Variants in SHROOM3 observed in about 807,000 individuals in gnomAD.
The protein encoded by SHROOM3 is shroom family member 3.
Under a neutral mutation model 138.6 loss-of-function variants are expected in SHROOM3, and 47 were observed. The ratio of observed to expected loss-of-function variants is 0.34; its 90% confidence interval spans 0.27 to 0.43. The LOEUF is 0.43. Among genes scored for constraint, SHROOM3 ranks in the 20% least tolerant of loss-of-function variants. The pLI is 1.00. For missense variants in SHROOM3, 2,491 were observed against 2,596.5 expected (o/e 0.96, Z 0.88); for synonymous variants, 1,062 against 1,063.3 (o/e 1.00, Z 0.02).
At chr4:76,481,398 G>A (rs1731606695) in intron 1 of SHROOM3, among the ~76,000 whole-genome samples, 1 of 151,982 alleles carries the variant, frequency 6.6e-6, no homozygotes, top group South Asian at 2.1e-4. Context: ...ATAAATTCCT[G>A]GACACATACA....
rs1215173154 is a variant in SHROOM3, at chr4:76,782,517, T to C, written c.*3340T>C. On this transcript the variant is annotated 3_prime_UTR_variant, in exon 11 of 11. Transcript: ENST00000296043. Reference sequence around the variant, plus strand: ...TTTAAGCTCTACCTTTAAACTTGTATGTTATTCAGGCATCTCTTATTAAGA... The same window carrying C: ...TTTAAGCTCTACCTTTAAACTTGTACGTTATTCAGGCATCTCTTATTAAGA... 1.3e-5 allele frequency: 2 copies of C among 152,226 alleles called. No individual in the cohort carries two copies. The highest frequency in any genetic ancestry group is 4.8e-5 in the African/African-American group (2 of 41,458). 9.4% of individuals were successfully genotyped at this position (152,226 alleles called of 1,614,324 possible). A position where few individuals can be genotyped will look rare whatever the true frequency, so the allele number is the denominator to read the frequency against.
At chr4:76,447,219 G>A (rs542893724) in intron 1 of SHROOM3, among the ~76,000 whole-genome samples, 12 of 152,150 alleles carry the variant, frequency 7.9e-5, no homozygotes, top group African/African-American at 2.9e-4. Context: ...GGCAATTTAA[G>A]TGGAAATAAG....
chr4:76,485,928 T>C (rs915871580), intron 1 of SHROOM3, among the ~76,000 whole-genome samples: 5 of 152,332 alleles, frequency 3.3e-5, no homozygotes, highest in Admixed American at 1.3e-4. Flanking sequence ...TCTGCATAGA[T>C]CCTAATATGA....
intron 1 of SHROOM3, among the ~76,000 whole-genome samples, chr4:76,443,553 G>C (rs1017644539): frequency 6.6e-6 from 1 of 152,214 alleles, no homozygotes; most frequent in Non-Finnish European, 1.5e-5. Context: ...CTGCAGTGCA[G>C]AGTCCTTGTT....
intron 1 of SHROOM3, chr4:76,509,391 T>G (rs1164697355): frequency 6.6e-6 from 1 of 152,212 alleles, no homozygotes; most frequent in Non-Finnish European, 1.5e-5. Flanking sequence ...CTGAAATGCT[T>G]GTATATTTCT....
intron 2 of SHROOM3, among the ~76,000 whole-genome samples, chr4:76,646,087 G>A (rs1298727113): frequency 6.6e-6 from 1 of 151,822 alleles, no homozygotes; most frequent in Non-Finnish European, 1.5e-5. Flanking sequence ...GAGGGAGGGG[G>A]AAGGGATAGC....
At chr4:76,762,895 A>G (rs1004670400) in intron 9 of SHROOM3, among the ~76,000 whole-genome samples, 2 of 152,008 alleles carry the variant, frequency 1.3e-5, no homozygotes, top group Non-Finnish European at 2.9e-5. Flanking sequence ...GTCAGATTTT[A>G]CCTCCTCCAG....
chr4:76,752,217 T>TATA (rs1266553794), intron 6 of SHROOM3, among the ~76,000 whole-genome samples: 1 of 152,232 alleles, frequency 6.6e-6, no homozygotes, highest in African/African-American at 2.4e-5. Flanking sequence ...AGACATACTG[T>TATA]ATAATTTCAC....
chr4:76,620,947 C>T (rs920769142), intron 2 of SHROOM3, among the ~76,000 whole-genome samples: 6 of 152,040 alleles, frequency 3.9e-5, no homozygotes, highest in Non-Finnish European at 8.8e-5. Flanking sequence ...AGAACAGCAC[C>T]TTATCAGCAC....
intron 2 of SHROOM3, among the ~76,000 whole-genome samples, chr4:76,646,375 A>G (rs1369804362): frequency 6.6e-6 from 1 of 151,782 alleles, no homozygotes; most frequent in Non-Finnish European, 1.5e-5. Flanking sequence ...AATAGTTTTT[A>G]TACTTTACCA....
intron 10 of SHROOM3, among the ~76,000 whole-genome samples, chr4:76,772,130 G>C (rs1722382459): frequency 7.3e-6 from 1 of 136,594 alleles, no homozygotes; most frequent in Admixed American, 7.7e-5. Flanking sequence ...TTGAGACAGA[G>C]TCTCACTCCG....
At chr4:76,636,645 G>A (rs1001347276) in intron 2 of SHROOM3, among the ~76,000 whole-genome samples, 1 of 152,090 alleles carries the variant, frequency 6.6e-6, no homozygotes, top group African/African-American at 2.4e-5. Flanking sequence ...GTCTGTGTGG[G>A]TTTTCCCCAG....
chr4:76,552,880 G>A (rs538564313), intron 1 of SHROOM3, among the ~76,000 whole-genome samples: 4 of 152,036 alleles, frequency 2.6e-5, no homozygotes, highest in African/African-American at 4.8e-5. Context: ...TGTTATTGAC[G>A]TCTATAAGTA....
chr4:76,611,239 G>A lies in SHROOM3; in HGVS notation c.323+55476G>A, dbSNP rs534934804. Among the ~76,000 whole-genome samples the A allele has an allele frequency of 9.3e-5, 14 of 151,116 alleles. No individual in the cohort carries two copies. The South Asian group carries it at 1.9e-3, about 20-fold the overall frequency. On this transcript the variant is annotated intron_variant, in intron 2 of 10. Coordinates refer to ENST00000296043, the MANE Select transcript of SHROOM3 (RefSeq NM_020859.4). ...TCCCAAATTCCAGTTGACTTTGTGC[G>A]CCCTCTCTCTGTGTCTCTCTCTCTC...
intron 6 of SHROOM3, 85 bp from the exon 7 acceptor site, chr4:76,754,225 CT>C: frequency 6.4e-7 from 1 of 1,553,000 alleles, no homozygotes; most frequent in South Asian, 1.1e-5. Context: ...CTCTTAAATG[CT>C]TTTCTCATCT....
intron 1 of SHROOM3, among the ~76,000 whole-genome samples, chr4:76,490,763 A>G (rs1011725741): frequency 1.3e-5 from 2 of 152,180 alleles, no homozygotes; most frequent in Non-Finnish European, 2.9e-5. Flanking sequence ...AATATGTAGA[A>G]TGCCTATATA....
chr4:76,740,772 C>G lies in SHROOM3; in HGVS notation c.2599C>G (p.Leu867Val). The G allele has an allele frequency of 6.2e-7, 1 of 1,612,720 alleles. No individual in the cohort carries two copies. The highest frequency in any genetic ancestry group is 1.1e-5 in the South Asian group (1 of 91,074). The part of the protein sequence containing the change: ...EASRQPCGQQ[L>V]SGGASDSGRG... ...TTCCCGGCAGCCCTGCGGTCAGCAG[C>G]TGAGCGGAGGAGCGTCGGACAGCGG... The change falls in exon 5 of 11, where the codon CTG (leucine) becomes GTG (valine). Residue 867 changes from leucine (L) to valine (V), a missense_variant. Physicochemically the swap from Leu to Val is conservative, Grantham distance 32 (BLOSUM62 1). This residue lies in a region of SHROOM3 where 1,733 missense variants were observed against 1,661.6 expected (regional missense o/e 1.04). Coordinates refer to ENST00000296043, the MANE Select transcript of SHROOM3 (RefSeq NM_020859.4). This position sits in a 1 kb window ranked among gnomAD's most constrained non-coding sequence, Gnocchi z 4.0.
intron 10 of SHROOM3, among the ~76,000 whole-genome samples, chr4:76,772,236 T>C (rs985265147): frequency 6.6e-6 from 1 of 151,812 alleles, no homozygotes; most frequent in African/African-American, 2.4e-5. Flanking sequence ...CCCAAGTAGC[T>C]GAGATTACAG....
chr4:76,738,145 T>C (rs1405820172), intron 4 of SHROOM3, among the ~76,000 whole-genome samples: 1 of 152,154 alleles, frequency 6.6e-6, no homozygotes, highest in Non-Finnish European at 1.5e-5. Flanking sequence ...TAGTTCTGCC[T>C]CTCATGAGCT....
Sources: gnomAD v4.1 joint callset for allele counts (sites outside exome capture counted in the v4.1 genomes callset) on GRCh38, gnomAD v4.1.1 for gene constraint, gnomAD v4.1.1 regional missense constraint, Gnocchi (gnomAD v3.1) non-coding constraint, MANE v1.5 for transcripts, NCBI Gene and HGNC (gene_info 2026-07-23, HGNC 2026-07-21) for gene names.